SLC24A2: variants seen among roughly 807,000 people sequenced by gnomAD.
The protein encoded by SLC24A2 is solute carrier family 24 member 2.
A neutral mutation model predicts 62.0 loss-of-function variants in SLC24A2; 36 were observed. The ratio of observed to expected loss-of-function variants is 0.58; its 90% CI spans 0.44 to 0.77. The LOEUF is 0.77. SLC24A2 is among the 30% of genes least tolerant of loss of function. SLC24A2 has a pLI of 0.00. For synonymous variants in SLC24A2, 358 were observed against 294.0 expected (o/e 1.22, Z -2.23); for missense variants, 846 against 817.9 (o/e 1.03, Z -0.42).
At chr9:19,904,769 C>G in the SLC24A2 span, among the ~76,000 whole-genome samples, 1 of 152,164 alleles carries the variant, frequency 6.6e-6, no homozygotes, top group African/African-American at 2.4e-5. Flanking sequence ...TCATTTCTTA[C>G]TGAATGGATC....
At chr9:20,188,708 G>C in the SLC24A2 span, among the ~76,000 whole-genome samples, 381 of 152,152 alleles carry the variant, frequency 2.5e-3, 2 homozygotes, top group African/African-American at 8.8e-3. Context: ...TAGGATGACG[G>C]GAGAAGAAGC....
intron 8 of SLC24A2, among the ~76,000 whole-genome samples, chr9:19,529,785 C>A (rs1364344162): frequency 1.4e-5 from 2 of 147,604 alleles, no homozygotes; most frequent in Admixed American, 1.4e-4. Context: ...GAGTCTCACT[C>A]GGTCACCCAG....
At chr9:20,096,340 A>G in the SLC24A2 span, among the ~76,000 whole-genome samples, 1,243 of 152,254 alleles carry the variant, frequency 8.2e-3, 16 homozygotes, top group African/African-American at 0.028. Context: ...TCTCTCAGGA[A>G]TATCTTCTTA....
chr9:20,189,294 C>T, the SLC24A2 span, among the ~76,000 whole-genome samples: 2 of 152,052 alleles, frequency 1.3e-5, no homozygotes, highest in East Asian at 3.9e-4. Flanking sequence ...GCCAGAGTTT[C>T]CAGAGAACAA....
At chr9:19,789,166 G>A (rs1255183836), upstream of SLC24A2, among the ~76,000 whole-genome samples, 2 of 152,238 alleles carry the variant, frequency 1.3e-5, no homozygotes, top group Non-Finnish European at 2.9e-5. Flanking sequence ...TTTGCTCCAC[G>A]CCTCCTGGGC....
intron 4 of SLC24A2, among the ~76,000 whole-genome samples, chr9:19,604,707 G>C (rs1836935278): frequency 6.6e-6 from 1 of 151,942 alleles, no homozygotes; most frequent in Admixed American, 6.6e-5. Flanking sequence ...ATATGAGAGG[G>C]CAAGGGAATT....
intron 2 of SLC24A2, among the ~76,000 whole-genome samples, chr9:19,779,373 A>C (rs1203483063): frequency 1.3e-5 from 2 of 152,228 alleles, no homozygotes; most frequent in East Asian, 3.8e-4. Context: ...AAAAAGATAA[A>C]TTTCTTATAA....
chr9:20,224,258 G>A, the SLC24A2 span, among the ~76,000 whole-genome samples: 1 of 151,498 alleles, frequency 6.6e-6, no homozygotes, highest in African/African-American at 2.4e-5. Flanking sequence ...AGAAAATAAG[G>A]TAGAATGTCT....
intron 2 of SLC24A2, among the ~76,000 whole-genome samples, chr9:19,688,791 CCT>C (rs1247701152): frequency 6.6e-6 from 1 of 152,082 alleles, no homozygotes; most frequent in African/African-American, 2.4e-5. Context: ...CAGAGGAATG[CCT>C]CTTATTTTGC....
At chr9:20,206,810 T>A in the SLC24A2 span, among the ~76,000 whole-genome samples, 3 of 151,718 alleles carry the variant, frequency 2.0e-5, 1 homozygote, top group East Asian at 6.0e-4. Context: ...AAATCTTTTT[T>A]AAATTTCTGT....
At chr9:19,587,846 C>A (rs182108441) in intron 5 of SLC24A2, among the ~76,000 whole-genome samples, 150 of 152,338 alleles carry the variant, frequency 9.8e-4, no homozygotes, top group African/African-American at 3.5e-3. Flanking sequence ...GTGACAAAAT[C>A]TGCCTTTCTT....
chr9:20,012,986 T>G, the SLC24A2 span, among the ~76,000 whole-genome samples: 110,120 of 151,874 alleles, frequency 0.73, 40,084 homozygotes, highest in Admixed American at 0.8. Context: ...TATCCAAAGT[T>G]GTCTATAAGT....
the SLC24A2 span, among the ~76,000 whole-genome samples, chr9:20,003,542 GAAGAC>G: frequency 2.6e-5 from 4 of 152,012 alleles, no homozygotes; most frequent in African/African-American, 7.2e-5. Context: ...GTATTAGTAA[GAAGAC>G]AAGAGAAAAC....
the SLC24A2 span, among the ~76,000 whole-genome samples, chr9:20,238,859 G>A: frequency 6.6e-6 from 1 of 152,198 alleles, no homozygotes; most frequent in East Asian, 1.9e-4. Context: ...TAACTTAATA[G>A]AACTAGTGGC....
At chr9:19,722,192 A>G (rs1587218264) in intron 2 of SLC24A2, among the ~76,000 whole-genome samples, 1 of 152,232 alleles carries the variant, frequency 6.6e-6, no homozygotes, top group East Asian at 1.9e-4. Flanking sequence ...GTGCTAATAG[A>G]TTTCCTTAGG....
the SLC24A2 span, among the ~76,000 whole-genome samples, chr9:20,246,756 G>T: frequency 2.0e-5 from 3 of 152,202 alleles, no homozygotes; most frequent in Admixed American, 2.0e-4. Flanking sequence ...AACTGCAGTT[G>T]TACTGTCTGC....
chr9:20,079,164 T>C, the SLC24A2 span, among the ~76,000 whole-genome samples: 3 of 150,420 alleles, frequency 2.0e-5, no homozygotes, highest in Non-Finnish European at 3.0e-5. Flanking sequence ...GAGGTTGGAG[T>C]TATGCAGCCA....
At chr9:19,623,462 T>C (rs1817958848) in intron 2 of SLC24A2, among the ~76,000 whole-genome samples, 1 of 152,234 alleles carries the variant, frequency 6.6e-6, no homozygotes, top group East Asian at 1.9e-4. Context: ...GATATTAAGA[T>C]GTCCCCACAT....
chr9:20,030,714 C>G, the SLC24A2 span, among the ~76,000 whole-genome samples: 42 of 152,236 alleles, frequency 2.8e-4, no homozygotes, highest in East Asian at 6.4e-3. Context: ...ATTTAATTTG[C>G]TTATATAAGG....
Sources: allele counts gnomAD v4.1 joint callset (sites outside exome capture counted in the v4.1 genomes callset), GRCh38; gene constraint gnomAD v4.1.1; transcripts MANE v1.5; gene names NCBI Gene and HGNC (gene_info 2026-07-23, HGNC 2026-07-21).